The following FHIT variants were observed in gnomAD, a reference collection of about 807,000 sequenced individuals.
FHIT encodes the protein bis(5'-adenosyl)-triphosphatase.
A neutral mutation model predicts 17.9 loss-of-function variants in FHIT; 19 were observed. That is an observed-to-expected ratio of 1.06 (90% CI 0.74 to 1.56). FHIT has a LOEUF of 1.56. FHIT is among the 40% of genes most tolerant of loss of function. The pLI, the probability that FHIT is intolerant of heterozygous loss-of-function variation, is 0.00. For synonymous variants in FHIT, 81 were observed against 69.7 expected (o/e 1.16, Z -0.81); for missense variants, 248 against 189.2 (o/e 1.31, Z -1.82).
At chr3:59,869,320 AT>A (rs1702803998) in intron 8 of FHIT, among the ~76,000 whole-genome samples, 1 of 152,128 alleles carries the variant, frequency 6.6e-6, no homozygotes, top group African/African-American at 2.4e-5. Flanking sequence ...TATGCTTTCT[AT>A]CCTGCCCAAA....
Position 60,886,135 on chromosome 3 carries a change from G to A in FHIT, c.-110-64124C>T, listed in dbSNP as rs114365797. Among the ~76,000 whole-genome samples the A allele has an allele frequency of 1.1e-3, 160 of 151,958 alleles. 1 individual carries two copies. The highest frequency in any genetic ancestry group is 3.7e-3 in the African/African-American group (155 of 41,464). On this transcript the variant is annotated intron_variant, in intron 3 of 9. Coordinates refer to ENST00000492590, the MANE Select transcript of FHIT (RefSeq NM_002012.4). Reference sequence around the variant, plus strand: ...TTAAATCATATCCTTATGTAATATCGAATCCATAAGACTCAATTATCTGGG... The same window carrying A: ...TTAAATCATATCCTTATGTAATATCAAATCCATAAGACTCAATTATCTGGG...
rs1705000413 is a variant in FHIT, at chr3:60,881,904, CA to C, written c.-110-59894del. On this transcript the variant is annotated intron_variant, in intron 3 of 9. Coordinates refer to ENST00000492590, the MANE Select transcript of FHIT (RefSeq NM_002012.4). Reference sequence around the variant, plus strand: ...GTACAAGGAAAGAAATAACAAAGATCAGAGGAGAAATAAATGAAATTGAGAC... The same window carrying C: ...GTACAAGGAAAGAAATAACAAAGATCGAGGAGAAATAAATGAAATTGAGAC... Among the ~76,000 whole-genome samples the C allele has an allele frequency of 2.0e-5, 3 of 151,952 alleles. No homozygotes were observed. In the South Asian group the frequency reaches 6.2e-4, roughly 32 times the overall value.
intron 5 of FHIT, among the ~76,000 whole-genome samples, chr3:60,079,781 T>C (rs992450335): frequency 6.6e-6 from 1 of 152,062 alleles, no homozygotes; most frequent in African/African-American, 2.4e-5. Flanking sequence ...TAAACTTCAG[T>C]GCTTGCCAAA....
intron 5 of FHIT, among the ~76,000 whole-genome samples, chr3:60,445,067 C>G (rs984391050): frequency 6.6e-6 from 1 of 152,012 alleles, no homozygotes; most frequent in African/African-American, 2.4e-5. Flanking sequence ...TTACCTGAGC[C>G]CTACCTGGTA....
At chr3:59,830,225 A>G (rs1451460069) in intron 8 of FHIT, among the ~76,000 whole-genome samples, 1 of 152,250 alleles carries the variant, frequency 6.6e-6, no homozygotes, top group Non-Finnish European at 1.5e-5. Flanking sequence ...CAGAAGCTAT[A>G]ACAGGACATA....
intron 5 of FHIT, among the ~76,000 whole-genome samples, chr3:60,147,530 G>A (rs1261999055): frequency 6.6e-6 from 1 of 152,194 alleles, no homozygotes; most frequent in Non-Finnish European, 1.5e-5. Flanking sequence ...CATGCGACAG[G>A]TAGGGATGCA....
At chr3:59,951,161 G>A (rs1055190778) in intron 7 of FHIT, among the ~76,000 whole-genome samples, 2 of 152,184 alleles carry the variant, frequency 1.3e-5, no homozygotes, top group African/African-American at 4.8e-5. Flanking sequence ...CCAGAGGAGA[G>A]GTGGTAGCAT....
intron 5 of FHIT, among the ~76,000 whole-genome samples, chr3:60,207,862 C>T (rs1450698902): frequency 1.3e-5 from 2 of 152,100 alleles, no homozygotes; most frequent in Non-Finnish European, 2.9e-5. Context: ...AGAAGAGAGG[C>T]TGCATCATTT....
chr3:60,054,394 C>G (rs1333670767), intron 5 of FHIT, among the ~76,000 whole-genome samples: 1 of 152,098 alleles, frequency 6.6e-6, no homozygotes, highest in Non-Finnish European at 1.5e-5. Flanking sequence ...CAAAACAAAA[C>G]AAAACATAGC....
intron 4 of FHIT, among the ~76,000 whole-genome samples, chr3:60,802,750 C>T (rs1473134480): frequency 6.9e-6 from 1 of 144,732 alleles, no homozygotes; most frequent in African/African-American, 2.5e-5. Context: ...AACAGAGGTG[C>T]CAGCATCAAA....
intron 7 of FHIT, among the ~76,000 whole-genome samples, chr3:59,973,690 A>G (rs1423091295): frequency 6.6e-6 from 1 of 152,152 alleles, no homozygotes; most frequent in African/African-American, 2.4e-5. Context: ...TTTGTTCAAC[A>G]TTTCATCCCC....
chr3:60,139,923 A>C (rs1384197186), intron 5 of FHIT, among the ~76,000 whole-genome samples: 4 of 152,058 alleles, frequency 2.6e-5, no homozygotes, highest in Non-Finnish European at 4.4e-5. Flanking sequence ...GGAGTTCACG[A>C]CCAGCCTGGC....
At chr3:60,142,613 T>C (rs1700086340) in intron 5 of FHIT, among the ~76,000 whole-genome samples, 1 of 152,074 alleles carries the variant, frequency 6.6e-6, no homozygotes, top group Non-Finnish European at 1.5e-5. Flanking sequence ...GTGATCCTCC[T>C]GCCTCAGCCA....
intron 3 of FHIT, among the ~76,000 whole-genome samples, chr3:60,968,130 C>T (rs1709839556): frequency 6.6e-6 from 1 of 152,226 alleles, no homozygotes. Context: ...GAGTTGAGAG[C>T]AGAAATGTGT....
chr3:60,018,412 CTG>C (rs1559553083), intron 5 of FHIT, among the ~76,000 whole-genome samples: 2 of 152,268 alleles, frequency 1.3e-5, no homozygotes, highest in East Asian at 3.9e-4. Context: ...AGCAGTGTTG[CTG>C]TGTGACTTTC....
intron 7 of FHIT, among the ~76,000 whole-genome samples, chr3:59,970,415 G>T (rs1431211966): frequency 6.6e-6 from 1 of 152,080 alleles, no homozygotes; most frequent in South Asian, 2.1e-4. Context: ...AAACACAAGG[G>T]TGTTGCTTAC....
At chr3:60,964,044 C>G (rs925493886) in intron 3 of FHIT, among the ~76,000 whole-genome samples, 3 of 152,106 alleles carry the variant, frequency 2.0e-5, no homozygotes, top group African/African-American at 7.2e-5. Flanking sequence ...TAAAGTCTCC[C>G]ATTATTATCG....
rs960187840 is a variant in FHIT at position 60,821,044 on chromosome 3, T to C, written c.-18+875A>G. 5.3e-5 allele frequency among the ~76,000 whole-genome samples: 8 copies of C among 152,016 alleles called. 1 individual carries two copies. The highest frequency in any genetic ancestry group is 1.9e-4 in the African/African-American group (8 of 41,480). On this transcript the variant is annotated intron_variant, in intron 4 of 9. Transcript: ENST00000492590. ...AGGCTGGAGTGCAATGGCATGATCT[T>C]AGCTCACTGCAACCTCCACCTCCCA...
chr3:60,638,804 A>T (rs1553684624), intron 4 of FHIT, among the ~76,000 whole-genome samples: 1 of 151,900 alleles, frequency 6.6e-6, no homozygotes, highest in Non-Finnish European at 1.5e-5. Context: ...CAGAAATCAA[A>T]TGTGTGAAAA....
Sources: gnomAD v4.1 joint callset for allele counts (sites outside exome capture counted in the v4.1 genomes callset) on GRCh38, gnomAD v4.1.1 for gene constraint, MANE v1.5 for transcripts, NCBI Gene and HGNC (gene_info 2026-07-23, HGNC 2026-07-21) for gene names.